TMEM132D: variants seen among roughly 807,000 people sequenced by gnomAD.
TMEM132D encodes the protein transmembrane protein 132D, also known as mature OL transmembrane protein.
TMEM132D carries 21 observed loss-of-function variants against 62.3 expected under a neutral mutation model. The observed-to-expected ratio is 0.34, with a 90% CI of 0.24 to 0.49. The LOEUF is 0.49. Among genes scored for constraint, TMEM132D ranks in the 20% least tolerant of loss-of-function variants. TMEM132D has a pLI of 0.99. For synonymous variants in TMEM132D, 621 were observed against 575.6 expected (o/e 1.08, Z -1.13); for missense variants, 1,346 against 1,402.8 (o/e 0.96, Z 0.65).
intron 2 of TMEM132D, among the ~76,000 whole-genome samples, chr12:129,581,855 T>G (rs1231646812): frequency 6.6e-6 from 1 of 152,170 alleles, no homozygotes; most frequent in Non-Finnish European, 1.5e-5. Flanking sequence ...CCAAGTAAAC[T>G]TCTTTCTTTA....
intron 3 of TMEM132D, among the ~76,000 whole-genome samples, chr12:129,483,665 C>T (rs908619196): frequency 7.2e-5 from 11 of 152,200 alleles, no homozygotes; most frequent in Non-Finnish European, 1.5e-5. Context: ...TGGCTTTTCA[C>T]AGAGGCTGAA....
chr12:129,526,300 C>T (rs185549401), intron 3 of TMEM132D, among the ~76,000 whole-genome samples: 3 of 152,116 alleles, frequency 2.0e-5, no homozygotes, highest in East Asian at 1.9e-4. Context: ...TTTTTTTCCT[C>T]GAGACAAAGT....
intron 1 of TMEM132D, chr12:129,840,259 C>T (rs1230012515): frequency 6.6e-6 from 1 of 152,162 alleles, no homozygotes; most frequent in Non-Finnish European, 1.5e-5. Context: ...TGGAGCACAT[C>T]CTCCGGGCTC....
At chr12:129,192,978 G>A (rs577527300) in intron 5 of TMEM132D, among the ~76,000 whole-genome samples, 167 of 152,220 alleles carry the variant, frequency 1.1e-3, no homozygotes, top group African/African-American at 3.7e-3. Context: ...AGACCACAGT[G>A]AAACCCCATT....
intron 2 of TMEM132D, among the ~76,000 whole-genome samples, chr12:129,635,070 T>C: frequency 6.6e-6 from 1 of 152,362 alleles, no homozygotes; most frequent in East Asian, 1.9e-4. Flanking sequence ...TATATGTAAT[T>C]ACATCTACAT....
At chr12:129,309,132 T>C (rs967403607) in intron 4 of TMEM132D, among the ~76,000 whole-genome samples, 1 of 152,222 alleles carries the variant, frequency 6.6e-6, no homozygotes, top group African/African-American at 2.4e-5. Flanking sequence ...CATTCAAAGG[T>C]CACTTATGTA....
In TMEM132D at chr12:129,517,457, G is replaced by A. The variant is rs189249165; in HGVS notation, c.1115+13602C>T. Among the ~76,000 whole-genome samples the A allele has an allele frequency of 2.0e-3, 312 of 152,226 alleles. 3 individuals are homozygous for A. The highest frequency in any genetic ancestry group is 0.017 in the Middle Eastern group (5 of 294). On this transcript the variant is annotated intron_variant, in intron 3 of 8. Coordinates refer to ENST00000422113, the MANE Select transcript of TMEM132D (RefSeq NM_133448.3). ...AGGGGTGAGTCAGAGGGTCTGAGGCGTGTCTACAGATAAAGGGGGTGAGGA... is the reference window on the plus strand; with the variant it reads ...AGGGGTGAGTCAGAGGGTCTGAGGCATGTCTACAGATAAAGGGGGTGAGGA...
At chr12:129,150,046 T>C (rs992891301) in intron 5 of TMEM132D, among the ~76,000 whole-genome samples, 10 of 152,220 alleles carry the variant, frequency 6.6e-5, no homozygotes, top group Admixed American at 3.3e-4. Context: ...AAATTACAGA[T>C]GGCAGCAGGC....
At chr12:129,656,150 G>A (rs1355258871) in intron 2 of TMEM132D, among the ~76,000 whole-genome samples, 1 of 152,084 alleles carries the variant, frequency 6.6e-6, no homozygotes, top group Admixed American at 6.6e-5. Context: ...TCCCAAACAT[G>A]CCCTATGATA....
chr12:129,647,121 C>CATAT lies in TMEM132D; in HGVS notation c.968+52685_968+52688dup, dbSNP rs34158444. Among the ~76,000 whole-genome samples the CATAT allele has an allele frequency of 7.3e-3, 1,066 of 146,440 alleles. 24 individuals carry two copies. In the South Asian group the frequency reaches 0.085, roughly 12 times the overall value. ...AACCACATGTTTTTATACATACATA[C>CATAT]ATATATATATATATATATATACTCA... is the stretch of plus-strand genomic sequence containing the variant. On this transcript the variant is annotated intron_variant, in intron 2 of 8. Coordinates refer to ENST00000422113, the MANE Select transcript of TMEM132D (RefSeq NM_133448.3).
At chr12:129,675,643 A>T (rs564702878) in intron 2 of TMEM132D, among the ~76,000 whole-genome samples, 1 of 152,192 alleles carries the variant, frequency 6.6e-6, no homozygotes, top group Non-Finnish European at 1.5e-5. Flanking sequence ...ATGATTTCCA[A>T]TGAGGATGGT....
At chr12:129,213,923 C>G (rs939510168) in intron 4 of TMEM132D, among the ~76,000 whole-genome samples, 1 of 152,186 alleles carries the variant, frequency 6.6e-6, no homozygotes, top group African/African-American at 2.4e-5. Flanking sequence ...AGATTGAAAT[C>G]TATTATGATG....
chr12:129,155,882 C>A (rs1309380332), intron 5 of TMEM132D, among the ~76,000 whole-genome samples: 1 of 151,416 alleles, frequency 6.6e-6, no homozygotes, highest in Non-Finnish European at 1.5e-5. Flanking sequence ...ATCCACTCCC[C>A]CAGTAACCAA....
In TMEM132D at chr12:129,776,198, C is replaced by A. The variant is rs141658255; in HGVS notation, c.80-75500G>T. Among the ~76,000 whole-genome samples, 233 of 152,208 alleles carry A rather than the reference C, an allele frequency of 1.5e-3. 1 individual carries two copies. The highest frequency in any genetic ancestry group is 5.0e-3 in the African/African-American group (209 of 41,516). On this transcript the variant is annotated intron_variant, in intron 1 of 8. Transcript: ENST00000422113. ...AGATGGTAATCCTGGGCTGTAAATG[C>A]TGGAACCTCATCCATGATGCCAATT...
intron 1 of TMEM132D, among the ~76,000 whole-genome samples, chr12:129,804,403 T>C (rs761574154): frequency 0.063 from 7,650 of 121,246 alleles, 306 homozygotes; most frequent in Middle Eastern, 0.086. Context: ...AATCAATAAA[T>C]GTAATCCAGC....
chr12:129,132,045 G>T (rs1232719941), intron 5 of TMEM132D, among the ~76,000 whole-genome samples: 1 of 152,186 alleles, frequency 6.6e-6, no homozygotes, highest in East Asian at 1.9e-4. Flanking sequence ...ATTTACAAAA[G>T]AGTGAATTCT....
intron 2 of TMEM132D, among the ~76,000 whole-genome samples, chr12:129,612,204 G>C (rs1046172885): frequency 5.9e-5 from 9 of 152,164 alleles, no homozygotes; most frequent in African/African-American, 1.9e-4. Context: ...ACTGAGCATG[G>C]GGGTGTCCTT....
At chr12:129,680,475 A>C (rs1441702835) in intron 2 of TMEM132D, among the ~76,000 whole-genome samples, 1 of 152,094 alleles carries the variant, frequency 6.6e-6, no homozygotes, top group Non-Finnish European at 1.5e-5. Flanking sequence ...CATATTTATT[A>C]TGTCTTCTGT....
rs1876206098 is a variant in TMEM132D, at chr12:129,531,105, G to A, written c.1069C>T (p.Pro357Ser). ...TTCTTCTGACAAACGATGACAGCTG[G>A]TGCATACTTTCCAGTATAATCCGTG... ...ERTDYTGKYA[P>S]AVIVCQKKAA... is the part of the protein sequence containing the mutation. Residue 357 changes from proline (P) to serine (S), a missense_variant, in exon 3 of 9, where the codon CCA (proline) becomes TCA (serine). Physicochemically the swap from Pro to Ser is moderately conservative, Grantham distance 74 (BLOSUM62 -1). Transcript: ENST00000422113. 6.2e-7 allele frequency: 1 copy of A among 1,613,784 alleles called. No homozygotes were observed. The highest frequency in any genetic ancestry group is 8.5e-7 in the Non-Finnish European group (1 of 1,179,900).
Sources: allele counts gnomAD v4.1 joint callset (sites outside exome capture counted in the v4.1 genomes callset), GRCh38; gene constraint gnomAD v4.1.1; transcripts MANE v1.5; gene names NCBI Gene and HGNC (gene_info 2026-07-23, HGNC 2026-07-21).